The following EPHA6 variants were observed in gnomAD, a reference collection of about 807,000 sequenced individuals.
EPHA6 encodes ephrin type-A receptor 6.
Under a neutral mutation model 112.0 loss-of-function variants are expected in EPHA6, and 50 were observed. The observed-to-expected ratio is 0.45, with a 90% CI of 0.36 to 0.56. The LOEUF is 0.56. Ranked by LOEUF, EPHA6 falls within the 20% of genes least tolerant of loss-of-function variation. The pLI is 0.00. For missense variants in EPHA6, 1,280 were observed against 1,417.4 expected, an observed-to-expected ratio of 0.90 and a Z score of 1.56; for synonymous variants, 529 against 490.7, an observed-to-expected ratio of 1.08 and a Z score of -1.03.
intron 3 of EPHA6, among the ~76,000 whole-genome samples, chr3:97,044,339 AACCTGTATAT>A (rs1422753376): frequency 6.6e-6 from 1 of 152,202 alleles, no homozygotes; most frequent in Non-Finnish European, 1.5e-5. Flanking sequence ...TTGACTAATC[AACCTGTATAT>A]ACCAGGTATG....
intron 2 of EPHA6, among the ~76,000 whole-genome samples, chr3:96,922,158 T>C (rs1307737284): frequency 6.6e-6 from 1 of 152,228 alleles, no homozygotes; most frequent in Non-Finnish European, 1.5e-5. Context: ...TAAAAACATC[T>C]ATGTTCATTT....
At chr3:97,214,038 T>TGAGAGAGAGA (rs1185912976) in intron 3 of EPHA6, among the ~76,000 whole-genome samples, 14 of 77,840 alleles carry the variant, frequency 1.8e-4, no homozygotes, top group African/African-American at 4.2e-4. Context: ...TGTGTGTGTG[T>TGAGAGAGAGA]GAGAGAGAGA....
intron 2 of EPHA6, among the ~76,000 whole-genome samples, chr3:96,892,972 G>A (rs1163402221): frequency 6.6e-6 from 1 of 151,400 alleles, no homozygotes; most frequent in Non-Finnish European, 1.5e-5. Context: ...GTGTGTGTGT[G>A]TGTGTGTGTT....
At chr3:96,838,631 T>C (rs942776171) in intron 1 of EPHA6, among the ~76,000 whole-genome samples, 1 of 152,104 alleles carries the variant, frequency 6.6e-6, no homozygotes, top group African/African-American at 2.4e-5. Context: ...TATTTTAATA[T>C]ATCAATTAAA....
chr3:97,330,054 G>C (rs191005482), intron 5 of EPHA6, among the ~76,000 whole-genome samples: 2,162 of 152,148 alleles, frequency 0.014, 68 homozygotes, highest in African/African-American at 0.05. Context: ...AGTTTTCCCA[G>C]CACCATTTAT....
intron 3 of EPHA6, among the ~76,000 whole-genome samples, chr3:97,092,284 T>C (rs9875126): frequency 0.078 from 11,801 of 151,932 alleles, 517 homozygotes; most frequent in Middle Eastern, 0.13. Flanking sequence ...TGCTGAGCAA[T>C]GGGGATATCA....
intron 5 of EPHA6, among the ~76,000 whole-genome samples, chr3:97,297,133 C>A (rs2108703152): frequency 6.6e-6 from 1 of 152,232 alleles, no homozygotes; most frequent in Non-Finnish European, 1.5e-5. Context: ...ACTCTCCTGT[C>A]ACTAGGGTTG....
chr3:97,367,719 T>C (rs2084818556), intron 5 of EPHA6, among the ~76,000 whole-genome samples: 2 of 152,050 alleles, frequency 1.3e-5, no homozygotes, highest in Admixed American at 1.3e-4. Flanking sequence ...TGTAACCCAA[T>C]TGGTATGGTA....
At chr3:97,050,256 C>A (rs1324357709) in intron 3 of EPHA6, among the ~76,000 whole-genome samples, 1 of 152,108 alleles carries the variant, frequency 6.6e-6, no homozygotes, top group East Asian at 1.9e-4. Flanking sequence ...AAGAGAGACA[C>A]TCTGGATACA....
At chr3:97,287,139 T>C (rs1431457006) in intron 5 of EPHA6, among the ~76,000 whole-genome samples, 7 of 152,212 alleles carry the variant, frequency 4.6e-5, no homozygotes, top group Admixed American at 4.6e-4. Context: ...TAAGAGTCTT[T>C]TGGTGGAGTG....
intron 12 of EPHA6, among the ~76,000 whole-genome samples, chr3:97,603,111 A>G (rs1316019010): frequency 6.6e-6 from 1 of 152,026 alleles, no homozygotes; most frequent in Non-Finnish European, 1.5e-5. Context: ...TTGTTATTAA[A>G]ATTTTTCAAT....
At position 97,748,764 on chromosome 3, in the gene EPHA6, C is replaced by T. The variant is rs534241158; in HGVS notation, c.*63C>T. Reference sequence around the variant, plus strand: ...TCTAAAATGAACGATATCCTCTCTACTACTCTCTCTTCTGATTCTCCAAAC... The same window carrying T: ...TCTAAAATGAACGATATCCTCTCTATTACTCTCTCTTCTGATTCTCCAAAC... On this transcript the variant is annotated 3_prime_UTR_variant, in exon 18 of 18. Coordinates refer to ENST00000389672, the MANE Select transcript of EPHA6 (RefSeq NM_001080448.3). 1.2e-6 allele frequency: 1 copy of T among 833,712 alleles called. No homozygotes were observed. The highest frequency in any genetic ancestry group is 2.6e-5 in the East Asian group (1 of 39,176). The allele number at this position is 833,712 out of a possible 1,614,324, so 51.6% of individuals were successfully genotyped here. A position where few individuals can be genotyped will look rare whatever the true frequency, so the allele number is the denominator to read the frequency against.
chr3:97,590,007 T>A (rs1256525346), intron 11 of EPHA6, among the ~76,000 whole-genome samples: 1 of 152,114 alleles, frequency 6.6e-6, no homozygotes, highest in Non-Finnish European at 1.5e-5. Context: ...ACTTAACACC[T>A]AGTGGATGAA....
At chr3:97,379,054 C>G (rs541663522) in intron 5 of EPHA6, among the ~76,000 whole-genome samples, 2 of 152,118 alleles carry the variant, frequency 1.3e-5, no homozygotes, top group African/African-American at 4.8e-5. Context: ...TCATCTTCAG[C>G]TGTACTCCCA....
chr3:97,434,637 G>A (rs2089716743), intron 6 of EPHA6, among the ~76,000 whole-genome samples: 1 of 151,924 alleles, frequency 6.6e-6, no homozygotes, highest in Admixed American at 6.6e-5. Flanking sequence ...CTTGTTCCAG[G>A]TATCTATTAT....
chr3:97,671,518 T>C (rs1220758037), intron 14 of EPHA6, among the ~76,000 whole-genome samples: 1 of 152,116 alleles, frequency 6.6e-6, no homozygotes, highest in East Asian at 1.9e-4. Context: ...TGTTGGAAAA[T>C]ATGGGTTTGT....
chr3:97,057,257 C>A (rs938421139), intron 3 of EPHA6, among the ~76,000 whole-genome samples: 3 of 152,176 alleles, frequency 2.0e-5, no homozygotes, highest in Admixed American at 1.3e-4. Flanking sequence ...GATAACTAAA[C>A]CTTGTTCCAT....
chr3:96,829,988 C>CAG (rs1553713458), intron 1 of EPHA6, among the ~76,000 whole-genome samples: 5 of 149,070 alleles, frequency 3.4e-5, no homozygotes, highest in Non-Finnish European at 7.4e-5. Context: ...CACACACACA[C>CAG]AGAAATGGTA....
chr3:97,448,062 A>C (rs1167424843), intron 6 of EPHA6, among the ~76,000 whole-genome samples: 4 of 152,180 alleles, frequency 2.6e-5, no homozygotes, highest in Non-Finnish European at 5.9e-5. Context: ...AAAGTGAATG[A>C]CTTCAGGATA....
Sources: allele counts gnomAD v4.1 joint callset (sites outside exome capture counted in the v4.1 genomes callset), GRCh38; gene constraint gnomAD v4.1.1; transcripts MANE v1.5; gene names NCBI Gene and HGNC (gene_info 2026-07-23, HGNC 2026-07-21).